TCF4: variants seen among roughly 807,000 people sequenced by gnomAD.
TCF4 encodes the protein SL3-3 enhancer factor 2.
A neutral mutation model predicts 82.1 loss-of-function variants in TCF4; 3 were observed. The ratio of observed to expected loss-of-function variants is 0.04; its 90% confidence interval spans 0.02 to 0.09. The LOEUF is 0.09. TCF4 is among the 10% of genes least tolerant of loss of function. The pLI, the probability that TCF4 is intolerant of heterozygous loss-of-function variation, is 1.00. For synonymous variants in TCF4, 276 were observed against 309.6 expected (o/e 0.89, Z 1.14); for missense variants, 518 against 852.7 (o/e 0.61, Z 4.89).
chr18:55,580,600 A>G (rs1603624397), intron 3 of TCF4, among the ~76,000 whole-genome samples: 1 of 152,002 alleles, frequency 6.6e-6, no homozygotes, highest in East Asian at 1.9e-4. Flanking sequence ...GGCGGGAAAA[A>G]TAATGGATAT....
At chr18:55,322,375 C>G in intron 8 of TCF4, 1 of 997,154 alleles carries the variant, frequency 1.0e-6, no homozygotes, top group Non-Finnish European at 1.2e-6. Context: ...GCATTGTACG[C>G]AGCTGCCTGA....
intron 3 of TCF4, among the ~76,000 whole-genome samples, chr18:55,529,819 CCAA>C (rs897411973): frequency 2.1e-4 from 32 of 152,080 alleles, no homozygotes; most frequent in Admixed American, 1.9e-3. Context: ...GAGGAGGACA[CCAA>C]CATTTTAAAT....
At chr18:55,360,888 A>T (rs2084972190) in intron 6 of TCF4, among the ~76,000 whole-genome samples, 1 of 151,772 alleles carries the variant, frequency 6.6e-6, no homozygotes, top group African/African-American at 2.4e-5. Context: ...CACCATGCCC[A>T]GCTAATTTTT....
chr18:55,261,602 C>T, intron 11 of TCF4, 69 bp from the exon 12 acceptor site: 1 of 1,522,024 alleles, frequency 6.6e-7, no homozygotes, highest in South Asian at 1.1e-5. Context: ...ATTCCTGGTC[C>T]ATTTACTCAC....
At chr18:55,586,126 G>GAGGAGGAGA (rs1389870328) in intron 2 of TCF4, 2 of 1,421,634 alleles carry the variant, frequency 1.4e-6, no homozygotes, top group Non-Finnish European at 1.9e-6. Flanking sequence ...AGAGGAGGAG[G>GAGGAGGAGA]AGGAGGAGAA....
Position 55,363,209 on chromosome 18 carries a change from T to G in TCF4, c.370-12206A>C, listed in dbSNP as rs190980815. Among the ~76,000 whole-genome samples the G allele has an allele frequency of 2.0e-5, 3 of 152,240 alleles. No individual in the cohort carries two copies. In the East Asian group the frequency reaches 5.8e-4, roughly 29 times the overall value. On this transcript the variant is annotated intron_variant, in intron 6 of 19. Coordinates refer to ENST00000354452, the MANE Select transcript of TCF4 (RefSeq NM_001083962.2). ...AAAGTAAATTAAAGCAATGTGCGGC[T>G]GCTGCCAGATCAGGAAATATTACAG...
chr18:55,298,467 T>C (rs1008748274), intron 8 of TCF4, among the ~76,000 whole-genome samples: 2 of 152,214 alleles, frequency 1.3e-5, no homozygotes, highest in Non-Finnish European at 2.9e-5. Context: ...ACGGTTTTTT[T>C]GCTATGAGCC....
At chr18:55,337,441 G>A (rs535735177) in intron 8 of TCF4, among the ~76,000 whole-genome samples, 1 of 152,276 alleles carries the variant, frequency 6.6e-6, no homozygotes, top group African/African-American at 2.4e-5. Flanking sequence ...TGCCTTTGGG[G>A]AACAGCTCTT....
chr18:55,393,005 CTT>C (rs1328102660), intron 6 of TCF4, among the ~76,000 whole-genome samples: 3 of 152,178 alleles, frequency 2.0e-5, no homozygotes, highest in Middle Eastern at 3.2e-3. Context: ...ATATTTTACT[CTT>C]ATTCCTTCTT....
intron 8 of TCF4, among the ~76,000 whole-genome samples, chr18:55,341,633 T>G (rs1468014751): frequency 6.6e-6 from 1 of 152,196 alleles, no homozygotes; most frequent in Non-Finnish European, 1.5e-5. Context: ...TACACCACTT[T>G]TACTACTATA....
rs1431918204 is a variant in TCF4 at position 55,227,168 on chromosome 18, C to T, written c.*867G>A. On this transcript the variant is annotated 3_prime_UTR_variant, in exon 20 of 20. Coordinates refer to ENST00000354452, the MANE Select transcript of TCF4 (RefSeq NM_001083962.2). Reference sequence around the variant, plus strand: ...AGAAGCAACATCAGGGTCAGCATTTCATCCTGCACTACCCCTCTGGAAGCA... The same window carrying T: ...AGAAGCAACATCAGGGTCAGCATTTTATCCTGCACTACCCCTCTGGAAGCA... 2.0e-5 allele frequency: 3 copies of T among 151,860 alleles called. No homozygotes were observed. Among genetic ancestry groups the T allele is most frequent in the East Asian group, 3.9e-4 (2 of 5,144 alleles). 9.4% of individuals were successfully genotyped at this position (151,860 alleles called of 1,614,324 possible). A position where few individuals can be genotyped will look rare whatever the true frequency, so the allele number is the denominator to read the frequency against.
chr18:55,441,175 T>C (rs1056016377), intron 5 of TCF4, among the ~76,000 whole-genome samples: 7 of 152,192 alleles, frequency 4.6e-5, no homozygotes, highest in African/African-American at 1.7e-4. Flanking sequence ...TGCTCCAAAT[T>C]TGCATAACCA....
At chr18:55,447,800 C>T (rs2095551913) in intron 5 of TCF4, among the ~76,000 whole-genome samples, 1 of 152,080 alleles carries the variant, frequency 6.6e-6, no homozygotes, top group Admixed American at 6.5e-5. Flanking sequence ...GGAGCACTTC[C>T]TCTATGTCTG....
intron 8 of TCF4, among the ~76,000 whole-genome samples, chr18:55,322,732 C>T (rs1208088482): frequency 1.3e-5 from 2 of 152,252 alleles, no homozygotes; most frequent in South Asian, 2.1e-4. Flanking sequence ...ACGTTCTCCA[C>T]TCTGGAGTTG....
chr18:55,300,319 T>C (rs886285298), intron 8 of TCF4, among the ~76,000 whole-genome samples: 1 of 150,974 alleles, frequency 6.6e-6, no homozygotes, highest in Non-Finnish European at 1.5e-5. Flanking sequence ...AACAGAAGAG[T>C]GGACAATTTT....
At chr18:55,492,729 G>A (rs1362771938) in intron 3 of TCF4, among the ~76,000 whole-genome samples, 1 of 152,280 alleles carries the variant, frequency 6.6e-6, no homozygotes, top group Non-Finnish European at 1.5e-5. Flanking sequence ...GCCCTGCACA[G>A]GATTCTTGGA....
intron 11 of TCF4, among the ~76,000 whole-genome samples, chr18:55,262,793 G>C (rs750999564): frequency 6.6e-6 from 1 of 152,004 alleles, no homozygotes; most frequent in East Asian, 1.9e-4. Flanking sequence ...TTTATATGTT[G>C]AGTTTGTCAG....
intron 5 of TCF4, among the ~76,000 whole-genome samples, chr18:55,460,468 G>A (rs1055780926): frequency 2.0e-5 from 3 of 152,172 alleles, no homozygotes; most frequent in African/African-American, 7.2e-5. Context: ...CTTTAATAAA[G>A]CAGGATGGGG....
chr18:55,564,264 T>C (rs975405800), intron 3 of TCF4, among the ~76,000 whole-genome samples: 7 of 152,234 alleles, frequency 4.6e-5, no homozygotes, highest in African/African-American at 1.7e-4. Flanking sequence ...AATGAGGTTG[T>C]AGAGGTACCT....
Sources: allele counts gnomAD v4.1 joint callset (sites outside exome capture counted in the v4.1 genomes callset), GRCh38; gene constraint gnomAD v4.1.1; transcripts MANE v1.5; gene names NCBI Gene and HGNC (gene_info 2026-07-23, HGNC 2026-07-21).